Variants in SHISA9 observed in about 807,000 individuals in gnomAD.
SHISA9 encodes the protein protein shisa-9.
SHISA9 carries 13 observed loss-of-function variants against 38.0 expected under a neutral mutation model. The observed-to-expected ratio is 0.34, with a 90% CI of 0.22 to 0.54. The LOEUF (loss-of-function observed/expected upper bound fraction) is 0.54, where lower values mean the gene tolerates loss of function less well. Ranked by LOEUF, SHISA9 falls within the 20% of genes least tolerant of loss-of-function variation. The pLI is 0.91. For missense variants in SHISA9, 538 were observed against 575.8 expected (o/e 0.93, Z 0.67); for synonymous variants, 275 against 242.0 (o/e 1.14, Z -1.27).
Position 13,217,756 on chromosome 16 carries a change from G to A in SHISA9, c.895+4456G>A, listed in dbSNP as rs576160208. Among the ~76,000 whole-genome samples, 20 of 152,312 alleles carry A rather than the reference G, an allele frequency of 1.3e-4. No homozygotes were observed. In the South Asian group the frequency reaches 2.5e-3, roughly 19 times the overall value. ...GGAAATACACTTCACTAGGCCGGGC[G>A]TGGTGGCTCATGCCTGTAATCCCAG... On this transcript the variant is annotated intron_variant, in intron 4 of 4. Transcript: ENST00000558583.
At chr16:13,449,505 T>C in the SHISA9 span, among the ~76,000 whole-genome samples, 1 of 152,222 alleles carries the variant, frequency 6.6e-6, no homozygotes, top group South Asian at 2.1e-4. Flanking sequence ...GTGATGGGAA[T>C]ACTCTATATC....
intron 2 of SHISA9, among the ~76,000 whole-genome samples, chr16:13,092,964 T>C (rs73520642): frequency 0.022 from 3,276 of 152,278 alleles, 127 homozygotes; most frequent in African/African-American, 0.075. Flanking sequence ...AAAGCCGTAA[T>C]TGAGAATCAG....
At chr16:13,016,828 A>T (rs58060282) in intron 2 of SHISA9, among the ~76,000 whole-genome samples, 13,962 of 152,178 alleles carry the variant, frequency 0.092, 816 homozygotes, top group East Asian at 0.29. Context: ...GGTACTTTTT[A>T]GTCACACTTT....
At chr16:13,007,362 G>A (rs2072611490) in intron 2 of SHISA9, among the ~76,000 whole-genome samples, 1 of 151,982 alleles carries the variant, frequency 6.6e-6, no homozygotes, top group Admixed American at 6.5e-5. Flanking sequence ...ACCCCCAATA[G>A]GCCTCTAGTC....
intron 2 of SHISA9, among the ~76,000 whole-genome samples, chr16:13,178,209 T>C (rs1419455276): frequency 1.3e-5 from 2 of 152,124 alleles, no homozygotes; most frequent in Admixed American, 6.5e-5. Context: ...ATGGATCAGC[T>C]ACAAGGATGG....
At chr16:13,080,010 G>C (rs115887995) in intron 2 of SHISA9, among the ~76,000 whole-genome samples, 1 of 152,092 alleles carries the variant, frequency 6.6e-6, no homozygotes, top group African/African-American at 2.4e-5. Context: ...AGAAGGGAAG[G>C]CCGGGGGATC....
chr16:13,192,911 GAGAAGAGGAGGA>G (rs1016249813), intron 2 of SHISA9, among the ~76,000 whole-genome samples: 7 of 151,284 alleles, frequency 4.6e-5, no homozygotes, highest in Admixed American at 1.3e-4. Flanking sequence ...GGAGGAGGAG[GAGAAGAGGAGGA>G]AGAAGAGGAG....
intron 2 of SHISA9, among the ~76,000 whole-genome samples, chr16:13,039,042 A>G (rs769383181): frequency 4.3e-4 from 66 of 152,116 alleles, no homozygotes; most frequent in Non-Finnish European, 7.8e-4. Context: ...CCGAGTAGCT[A>G]GAACTACAGG....
downstream of SHISA9, among the ~76,000 whole-genome samples, chr16:13,240,738 T>C (rs1249683839): frequency 6.6e-6 from 1 of 152,216 alleles, no homozygotes; most frequent in East Asian, 1.9e-4. Flanking sequence ...ATTTGAACTT[T>C]AGTTTTGAAC....
At chr16:13,027,615 A>G (rs746764500) in intron 2 of SHISA9, among the ~76,000 whole-genome samples, 2 of 152,214 alleles carry the variant, frequency 1.3e-5, no homozygotes, top group Non-Finnish European at 2.9e-5. Flanking sequence ...GGCAATAAAA[A>G]ATAATGAATA....
chr16:13,153,005 A>G (rs2050512926), intron 2 of SHISA9, among the ~76,000 whole-genome samples: 1 of 152,200 alleles, frequency 6.6e-6, no homozygotes, highest in Non-Finnish European at 1.5e-5. Flanking sequence ...GTAATTAGCC[A>G]CAGCTGAATA....
intron 2 of SHISA9, among the ~76,000 whole-genome samples, chr16:12,943,049 T>C (rs2071632269): frequency 6.6e-6 from 1 of 151,982 alleles, no homozygotes; most frequent in Admixed American, 6.6e-5. Context: ...AGCTCCAGGC[T>C]CCAGAGAAGG....
At chr16:13,526,891 G>C in the SHISA9 span, among the ~76,000 whole-genome samples, 1 of 152,270 alleles carries the variant, frequency 6.6e-6, no homozygotes, top group Admixed American at 6.5e-5. Context: ...TGCTTTAAAG[G>C]AAGGAGAAAA....
chr16:13,476,738 GTTTTTTTTTTTTTTTTT>G, the SHISA9 span, among the ~76,000 whole-genome samples: 1 of 65,182 alleles, frequency 1.5e-5, no homozygotes, highest in Non-Finnish European at 3.2e-5. Flanking sequence ...CCTGTTTTGT[GTTTTTTTTTTTTTTTTT>G]TTTTTTTTTT....
chr16:13,537,200 G>T, the SHISA9 span, among the ~76,000 whole-genome samples: 1 of 152,226 alleles, frequency 6.6e-6, no homozygotes, highest in East Asian at 1.9e-4. Flanking sequence ...GGCCTACGGG[G>T]GCAAATCACT....
At chr16:13,561,644 G>C in the SHISA9 span, among the ~76,000 whole-genome samples, 1 of 152,198 alleles carries the variant, frequency 6.6e-6, no homozygotes, top group Non-Finnish European at 1.5e-5. Flanking sequence ...GAGGGTGGAA[G>C]GGCCCCTGGA....
chr16:12,970,992 C>T (rs1281836772), intron 2 of SHISA9, among the ~76,000 whole-genome samples: 1 of 152,116 alleles, frequency 6.6e-6, no homozygotes, highest in African/African-American at 2.4e-5. Context: ...AGCACGTGGA[C>T]AGTTAGAGAT....
chr16:13,270,697 T>A, the SHISA9 span, among the ~76,000 whole-genome samples: 3 of 152,118 alleles, frequency 2.0e-5, no homozygotes, highest in Non-Finnish European at 4.4e-5. Context: ...TATCTGAAAA[T>A]AAGGATAATT....
chr16:13,387,358 GA>G, the SHISA9 span, among the ~76,000 whole-genome samples: 1 of 152,126 alleles, frequency 6.6e-6, no homozygotes, highest in Non-Finnish European at 1.5e-5. Flanking sequence ...GGGAAATTTG[GA>G]CTCAGAGACA....
Sources: gnomAD v4.1 joint callset for allele counts (sites outside exome capture counted in the v4.1 genomes callset) on GRCh38, gnomAD v4.1.1 for gene constraint, MANE v1.5 for transcripts, NCBI Gene and HGNC (gene_info 2026-07-23, HGNC 2026-07-21) for gene names.